Variants in PLXNA2 observed in about 807,000 individuals in gnomAD.
PLXNA2 encodes the protein plexin A2.
PLXNA2 carries 91 observed loss-of-function variants against 193.5 expected under a neutral mutation model. The ratio of observed to expected loss-of-function variants is 0.47; its 90% CI spans 0.40 to 0.56. The LOEUF (loss-of-function observed/expected upper bound fraction) is 0.56. Among genes scored for constraint, PLXNA2 ranks in the 20% least tolerant of loss-of-function variants. The pLI is 0.00. For synonymous variants in PLXNA2, 997 were observed against 1,027.3 expected, an observed-to-expected ratio of 0.97 and a Z score of 0.56; for missense variants, 1,995 against 2,503.2, an observed-to-expected ratio of 0.80 and a Z score of 4.33.
intron 3 of PLXNA2, among the ~76,000 whole-genome samples, chr1:208,152,739 A>T (rs1158891387): frequency 6.6e-6 from 1 of 150,490 alleles, no homozygotes; most frequent in Admixed American, 6.7e-5. Context: ...TGTCCCCTTT[A>T]ATAATTTAGA....
chr1:208,226,356 T>A (rs1441531101), intron 1 of PLXNA2, among the ~76,000 whole-genome samples: 1 of 152,038 alleles, frequency 6.6e-6, no homozygotes, highest in African/African-American at 2.4e-5. Context: ...TGTTTTTTTT[T>A]TCCCAGGTCT....
In PLXNA2 at chr1:208,028,725, A is replaced by C; in HGVS notation, c.5438+105T>G. 2 of 1,057,826 alleles carry C rather than the reference A, an allele frequency of 1.9e-6. No individual in the cohort carries two copies. Among genetic ancestry groups the C allele is most frequent in the Non-Finnish European group, 2.8e-6 (2 of 721,630 alleles). The allele number at this position is 1,057,826 out of a possible 1,614,324, so 65.5% of individuals were successfully genotyped here. On this transcript the variant is annotated intron_variant, in intron 30 of 31. Coordinates refer to ENST00000367033, the MANE Select transcript of PLXNA2 (RefSeq NM_025179.4). The surrounding 1 kb of genome is among the most constrained non-coding windows in gnomAD (Gnocchi z 4.2). ...CAGGGAGGGGAGTGGGAGGTCCTGA[A>C]GAGATGACAGACACCGTCGTCTGAG... is the stretch of plus-strand genomic sequence containing the variant.
At chr1:208,169,600 A>T (rs1669428309) in intron 3 of PLXNA2, among the ~76,000 whole-genome samples, 1 of 152,206 alleles carries the variant, frequency 6.6e-6, no homozygotes, top group Non-Finnish European at 1.5e-5. Context: ...AAATCAGAAG[A>T]CTTGGATGGG....
intron 2 of PLXNA2, among the ~76,000 whole-genome samples, chr1:208,212,116 C>T (rs1384871629): frequency 6.6e-6 from 1 of 152,172 alleles, no homozygotes; most frequent in African/African-American, 2.4e-5. Context: ...AAGGAAATGG[C>T]TATCGTAGAA....
chr1:208,090,912 G>A lies in PLXNA2; in HGVS notation c.2097+1874C>T, dbSNP rs182745331. ...CCTGGCTAGGTCTGCCCCTCTAAGCGATTCTTTCATTGGCTCCAAGCTGTG... is the reference window on the plus strand; with the variant it reads ...CCTGGCTAGGTCTGCCCCTCTAAGCAATTCTTTCATTGGCTCCAAGCTGTG... On this transcript the variant is annotated intron_variant, in intron 9 of 31. Coordinates refer to ENST00000367033, the MANE Select transcript of PLXNA2 (RefSeq NM_025179.4). 4.6e-5 allele frequency among the ~76,000 whole-genome samples: 7 copies of A among 152,260 alleles called. No individual in the cohort carries two copies. The South Asian group carries it at 6.2e-4, about 14-fold the overall frequency.
In PLXNA2 at chr1:208,034,076, TG is replaced by T. The variant is rs550465089; in HGVS notation, c.4864+416del. Among the ~76,000 whole-genome samples the T allele has an allele frequency of 4.8e-4, 73 of 152,332 alleles. 1 individual carries two copies. The East Asian group carries it at 0.014, about 29-fold the overall frequency. ...CCATAACCTCATTGCCCGGAGGGCCTGGGGGCCCCAGTACTCCTCGGACTAA... is the reference window on the plus strand; with the variant it reads ...CCATAACCTCATTGCCCGGAGGGCCTGGGGCCCCAGTACTCCTCGGACTAA... On this transcript the variant is annotated intron_variant, in intron 27 of 31. Coordinates refer to ENST00000367033, the MANE Select transcript of PLXNA2 (RefSeq NM_025179.4).
At chr1:208,089,235 C>T (rs545412645) in intron 9 of PLXNA2, among the ~76,000 whole-genome samples, 2 of 152,210 alleles carry the variant, frequency 1.3e-5, no homozygotes, top group South Asian at 4.1e-4. Flanking sequence ...GTTTCTCCAT[C>T]TGTGGAGATG....
intron 7 of PLXNA2, 56 bp from the exon 8 acceptor site, chr1:208,096,181 G>T (rs908698079): frequency 1.7e-5 from 22 of 1,295,610 alleles, no homozygotes; most frequent in Non-Finnish European, 2.5e-5. Flanking sequence ...GGACCCAGTG[G>T]ACAGCCACAA....
intron 1 of PLXNA2, among the ~76,000 whole-genome samples, chr1:208,228,210 C>G (rs781068165): frequency 2.6e-5 from 4 of 152,302 alleles, no homozygotes; most frequent in Non-Finnish European, 5.9e-5. Context: ...AGTGACCTCA[C>G]ATGGCTGGCC....
At chr1:208,142,781 T>C (rs940354872) in intron 3 of PLXNA2, among the ~76,000 whole-genome samples, 4 of 152,214 alleles carry the variant, frequency 2.6e-5, no homozygotes, top group Admixed American at 1.3e-4. Context: ...GCACTGTGTA[T>C]TGTATGTGTG....
At chr1:208,166,576 T>A (rs1410115950) in intron 3 of PLXNA2, among the ~76,000 whole-genome samples, 1 of 152,188 alleles carries the variant, frequency 6.6e-6, no homozygotes, top group Non-Finnish European at 1.5e-5. Flanking sequence ...AGAGGCTTAA[T>A]GACAAATGCA....
Position 208,060,672 on chromosome 1 carries a change from C to T in PLXNA2, c.2738+14G>A, listed in dbSNP as rs529952862. 6.2e-7 allele frequency: 1 copy of T among 1,604,648 alleles called. No individual in the cohort carries two copies. Among genetic ancestry groups the T allele is most frequent in the South Asian group, 1.1e-5 (1 of 90,176 alleles). ...AAGCTCCCATGGGAAAAGGGCTGGC[C>T]AGGGCGGACTCACTGCTCAGCGATG... On this transcript the variant is annotated intron_variant, in intron 13 of 31. Coordinates refer to ENST00000367033, the MANE Select transcript of PLXNA2 (RefSeq NM_025179.4).
intron 1 of PLXNA2, among the ~76,000 whole-genome samples, chr1:208,237,581 G>A (rs928715862): frequency 6.6e-6 from 1 of 152,164 alleles, no homozygotes; most frequent in Non-Finnish European, 1.5e-5. Flanking sequence ...GGGAAAACTG[G>A]GTAGGTACGG....
At chr1:208,117,428 C>A (rs541175714) in intron 4 of PLXNA2, among the ~76,000 whole-genome samples, 2 of 152,050 alleles carry the variant, frequency 1.3e-5, no homozygotes, top group Admixed American at 1.3e-4. Flanking sequence ...TCCCTTGCAG[C>A]AGATGTGGAC....
intron 15 of PLXNA2, 38 bp from the exon 16 acceptor site, chr1:208,051,461 A>T (rs754125885): frequency 6.3e-7 from 1 of 1,582,862 alleles, no homozygotes; most frequent in Admixed American, 1.9e-5. Context: ...GAAGAAAGGC[A>T]TGGGCAACAA....
chr1:208,231,674 C>T (rs540554523), intron 1 of PLXNA2, among the ~76,000 whole-genome samples: 4 of 152,190 alleles, frequency 2.6e-5, no homozygotes, highest in East Asian at 1.9e-4. Context: ...TGCATCATCC[C>T]GCTAACGTAC....
At chr1:208,115,377 C>T (rs528898452) in intron 4 of PLXNA2, among the ~76,000 whole-genome samples, 41 of 152,298 alleles carry the variant, frequency 2.7e-4, no homozygotes, top group African/African-American at 9.9e-4. Flanking sequence ...ATTCATCCAC[C>T]AGACTGCTAT....
At chr1:208,133,129 C>T (rs1668209225) in intron 4 of PLXNA2, among the ~76,000 whole-genome samples, 1 of 152,164 alleles carries the variant, frequency 6.6e-6, no homozygotes, top group Admixed American at 6.5e-5. Context: ...TAAACCAGCT[C>T]TGGATTCTTG....
intron 3 of PLXNA2, among the ~76,000 whole-genome samples, chr1:208,154,627 G>T (rs903422836): frequency 1.3e-5 from 2 of 152,234 alleles, no homozygotes; most frequent in Non-Finnish European, 2.9e-5. Context: ...AGCAAGAGAC[G>T]ATGGAAGTGA....
Sources: allele counts gnomAD v4.1 joint callset (sites outside exome capture counted in the v4.1 genomes callset), GRCh38; gene constraint gnomAD v4.1.1; non-coding constraint Gnocchi (gnomAD v3.1); transcripts MANE v1.5; gene names NCBI Gene and HGNC (gene_info 2026-07-23, HGNC 2026-07-21).